DAB1: variants seen among roughly 807,000 people sequenced by gnomAD.
DAB1 encodes DAB adaptor protein 1, also known as disabled homolog 1.
DAB1 carries 15 observed loss-of-function variants against 64.6 expected under a neutral mutation model. The ratio of observed to expected loss-of-function variants is 0.23; its 90% CI spans 0.16 to 0.36. The LOEUF (loss-of-function observed/expected upper bound fraction) is 0.36. Among genes scored for constraint, DAB1 ranks in the 10% least tolerant of loss-of-function variants. The probability of loss-of-function intolerance (pLI) is 1.00; values close to 1 mark genes in which losing one functional copy is unlikely to be tolerated. For synonymous variants in DAB1, 235 were observed against 251.9 expected, an observed-to-expected ratio of 0.93 and a Z score of 0.64; for missense variants, 596 against 706.7, an observed-to-expected ratio of 0.84 and a Z score of 1.78.
At chr1:57,842,764 A>C (rs1420743781) in intron 1 of DAB1, among the ~76,000 whole-genome samples, 1 of 152,226 alleles carries the variant, frequency 6.6e-6, no homozygotes, top group Non-Finnish European at 1.5e-5. Context: ...ATCACCTCCC[A>C]CCAGGTCCTT....
At chr1:57,243,077 T>A (rs558098116) in intron 2 of DAB1, among the ~76,000 whole-genome samples, 28 of 152,272 alleles carry the variant, frequency 1.8e-4, no homozygotes, top group Admixed American at 1.2e-3. Context: ...TACTCTGAGG[T>A]TCCCCTGACT....
intron 5 of DAB1, among the ~76,000 whole-genome samples, chr1:57,931,410 A>T (rs1644951155): frequency 6.6e-6 from 1 of 152,188 alleles, no homozygotes; most frequent in African/African-American, 2.4e-5. Context: ...CTATCTTCTG[A>T]AAAAGATTGT....
chr1:57,275,060 T>G (rs1257899745), intron 2 of DAB1, among the ~76,000 whole-genome samples: 1 of 152,122 alleles, frequency 6.6e-6, no homozygotes, highest in Non-Finnish European at 1.5e-5. Context: ...TTTATTGCAT[T>G]TTTGTTTGAT....
intron 2 of DAB1, among the ~76,000 whole-genome samples, chr1:57,288,076 G>A (rs543649529): frequency 6.6e-6 from 1 of 151,470 alleles, no homozygotes; most frequent in Non-Finnish European, 1.5e-5. Context: ...GATTACAGGC[G>A]TGAGCCACTA....
At chr1:57,678,538 A>G (rs3131755) in intron 6 of DAB1, among the ~76,000 whole-genome samples, 111,989 of 151,996 alleles carry the variant, frequency 0.74, 42,179 homozygotes, top group East Asian at 0.93. Context: ...CATAAAGGCT[A>G]TAATTCAGCA....
intron 7 of DAB1, among the ~76,000 whole-genome samples, chr1:57,475,655 G>A (rs1643926562): frequency 6.6e-6 from 1 of 152,144 alleles, no homozygotes; most frequent in Admixed American, 6.5e-5. Context: ...TAGGTGTTAT[G>A]GGTCCTTAGT....
At chr1:57,953,304 G>A (rs554615154) in intron 5 of DAB1, among the ~76,000 whole-genome samples, 87 of 152,300 alleles carry the variant, frequency 5.7e-4, no homozygotes, top group Non-Finnish European at 9.7e-4. Context: ...GATGATAATC[G>A]TGGTGAACTG....
At chr1:58,121,850 T>G (rs183625612) in intron 5 of DAB1, among the ~76,000 whole-genome samples, 1 of 152,316 alleles carries the variant, frequency 6.6e-6, no homozygotes, top group Admixed American at 6.5e-5. Context: ...CCTCTAATAA[T>G]ACTCTTCTCA....
chr1:57,048,758 G>A (rs1437073829), intron 9 of DAB1, among the ~76,000 whole-genome samples: 1 of 152,112 alleles, frequency 6.6e-6, no homozygotes, highest in Non-Finnish European at 1.5e-5. Context: ...AGGATACCAG[G>A]CATGTTTCAT....
chr1:57,910,209 TC>T (rs1644620450), intron 5 of DAB1, among the ~76,000 whole-genome samples: 1 of 152,156 alleles, frequency 6.6e-6, no homozygotes. Flanking sequence ...GGCTTGGATG[TC>T]CCCAAGATCA....
At chr1:58,048,313 G>T in intron 5 of DAB1, 2 of 1,181,824 alleles carry the variant, frequency 1.7e-6, no homozygotes, top group Non-Finnish European at 2.5e-6. Context: ...CCCCCTTCAT[G>T]GGTCCAAAAT....
At chr1:58,268,791 G>A (rs1180392421) in intron 4 of DAB1, among the ~76,000 whole-genome samples, 1 of 152,058 alleles carries the variant, frequency 6.6e-6, no homozygotes, top group Non-Finnish European at 1.5e-5. Context: ...AATCTTAAAA[G>A]TCCCCAAATA....
chr1:58,030,545 A>G (rs1050758098), intron 5 of DAB1, among the ~76,000 whole-genome samples: 5 of 152,214 alleles, frequency 3.3e-5, no homozygotes, highest in African/African-American at 1.2e-4. Flanking sequence ...TAAAAATATC[A>G]GATGTTTTCA....
chr1:57,175,830 G>A (rs1662254065), intron 2 of DAB1, among the ~76,000 whole-genome samples: 1 of 152,124 alleles, frequency 6.6e-6, no homozygotes, highest in Non-Finnish European at 1.5e-5. Flanking sequence ...CAAAATGGCA[G>A]CCCCAGTAAA....
chr1:58,488,819 C>T (rs190294441), intron 3 of DAB1, among the ~76,000 whole-genome samples: 22 of 152,350 alleles, frequency 1.4e-4, no homozygotes, highest in African/African-American at 5.1e-4. Context: ...CCACTGTATA[C>T]GTCTTATGCC....
chr1:57,005,185 C>T (rs1275859200), intron 14 of DAB1, among the ~76,000 whole-genome samples: 1 of 152,116 alleles, frequency 6.6e-6, no homozygotes, highest in African/African-American at 2.4e-5. Flanking sequence ...AGTTTCGAGG[C>T]AACTGTGCAT....
intron 1 of DAB1, among the ~76,000 whole-genome samples, chr1:57,401,529 C>T (rs1171313065): frequency 6.6e-6 from 1 of 152,182 alleles, no homozygotes; most frequent in African/African-American, 2.4e-5. Flanking sequence ...TCTGGGAAGG[C>T]TTCTGAGAGA....
At chr1:58,408,142 C>T (rs528000074) in intron 3 of DAB1, among the ~76,000 whole-genome samples, 1 of 152,228 alleles carries the variant, frequency 6.6e-6, no homozygotes, top group Admixed American at 6.5e-5. Context: ...GAAACCTGAG[C>T]ACTCTGGTTT....
At chr1:58,203,155 A>C (rs1658090132) in intron 4 of DAB1, among the ~76,000 whole-genome samples, 1 of 152,244 alleles carries the variant, frequency 6.6e-6, no homozygotes, top group Non-Finnish European at 1.5e-5. Context: ...CAGAACCCCC[A>C]GTGGATGCTT....
Sources: allele counts gnomAD v4.1 joint callset (sites outside exome capture counted in the v4.1 genomes callset), GRCh38; gene constraint gnomAD v4.1.1; transcripts MANE v1.5; gene names NCBI Gene and HGNC (gene_info 2026-07-23, HGNC 2026-07-21).